The following HCN2 variants were observed in gnomAD, a reference collection of about 807,000 sequenced individuals.
HCN2 encodes the protein potassium/sodium hyperpolarization-activated cyclic nucleotide-gated channel 2.
In HCN2, 20 loss-of-function variants were observed where a neutral mutation model predicts 52.3. The observed-to-expected ratio is 0.38, with a 90% confidence interval of 0.27 to 0.56. The LOEUF (loss-of-function observed/expected upper bound fraction) is 0.56, where lower values mean the gene tolerates loss of function less well. HCN2 is among the 20% of genes least tolerant of loss of function. The probability of loss-of-function intolerance (pLI) is 0.71; values close to 1 mark genes in which losing one functional copy is unlikely to be tolerated. For synonymous variants in HCN2, 694 were observed against 537.0 expected (o/e 1.29, Z -4.04); for missense variants, 981 against 1,207.7 (o/e 0.81, Z 2.78).
rs377176350 is a variant in HCN2, at chr19:615,790, C to T, written c.1991-5C>T. The stretch of plus-strand genomic sequence containing the variant: ...GTGCACACGCTAACGCCCCCTCTCC[C>T]GCAGGCAAGAAGAATTCCATCCTCC... On this transcript the variant is annotated splice_polypyrimidine_tract_variant and splice_region_variant and intron_variant, in intron 7 of 7. Transcript: ENST00000251287. 5.0e-6 allele frequency: 8 copies of T among 1,611,070 alleles called. No homozygotes were observed. Among genetic ancestry groups the T allele is most frequent in the East Asian group, 4.5e-5 (2 of 44,804 alleles).
chr19:615,762 C>T (rs758632829), intron 7 of HCN2, 33 bp from the exon 8 acceptor site: 2 of 1,605,622 alleles, frequency 1.2e-6, no homozygotes, highest in South Asian at 2.2e-5. Context: ...GCAGGCGCTC[C>T]CTGTGCACAC....
At chr19:608,660 T>C (rs1290011453) in intron 4 of HCN2, among the ~76,000 whole-genome samples, 3 of 145,688 alleles carry the variant, frequency 2.1e-5, no homozygotes, top group African/African-American at 4.9e-5. Flanking sequence ...GGGTCAGTCT[T>C]TGGACATCGG....
intron 1 of HCN2, among the ~76,000 whole-genome samples, chr19:599,516 A>G (rs1383544667): frequency 6.6e-6 from 1 of 152,042 alleles, no homozygotes; most frequent in Non-Finnish European, 1.5e-5. Flanking sequence ...GCGGTGGCTC[A>G]CGCCTGTAAT....
chr19:610,946 T>G (rs576560214), intron 5 of HCN2, among the ~76,000 whole-genome samples: 1 of 152,312 alleles, frequency 6.6e-6, no homozygotes, highest in South Asian at 2.1e-4. Context: ...GGATCCTTCC[T>G]GCCTCTTCCG....
In HCN2 at chr19:603,797, G is replaced by A. The variant is rs773962337; in HGVS notation, c.886G>A (p.Val296Met). 1.2e-6 allele frequency: 2 copies of A among 1,612,758 alleles called. No homozygotes were observed. Among genetic ancestry groups the A allele is most frequent in the Admixed American group, 1.7e-5 (1 of 60,008 alleles). The change falls in exon 2 of 8, where the codon GTG (valine) becomes ATG (methionine). Residue 296 changes from valine (V) to methionine (M), a missense_variant. Physicochemically the swap from Val to Met is conservative, Grantham distance 21. Coordinates refer to ENST00000251287, the MANE Select transcript of HCN2 (RefSeq NM_001194.4). Reference sequence around the variant, plus strand: ...GCGCACGTGGTTCGTGGTGGACTTCGTGTCCTCCATCCCCGTGGACTACAT... The same window carrying A: ...GCGCACGTGGTTCGTGGTGGACTTCATGTCCTCCATCCCCGTGGACTACAT... ...YLRTWFVVDFVSSIPVDYIFL... is the reference protein window; with the variant it reads ...YLRTWFVVDFMSSIPVDYIFL...
intron 4 of HCN2, 95 bp downstream of exon 4, chr19:608,277 A>T: frequency 8.7e-7 from 1 of 1,150,244 alleles, no homozygotes; most frequent in Non-Finnish European, 1.3e-6. Context: ...CTGGGGTCTG[A>T]TGGAGGGAGG....
At chr19:602,760 T>C (rs1210733499) in intron 1 of HCN2, among the ~76,000 whole-genome samples, 1 of 152,238 alleles carries the variant, frequency 6.6e-6, no homozygotes, top group African/African-American at 2.4e-5. Context: ...TTAATCTATT[T>C]TGAGCCACCT....
chr19:616,370 GCCGCCGCGCCCAGCCCGGA>G lies in HCN2; in HGVS notation c.2571_2589del (p.Ala858GlyfsTer63). Reference sequence around the variant, plus strand: ...CTTGGGGCCCACGCCCGCTGCCCGGGCCGCCGCGCCCAGCCCGGACCGCAGGGACTCGGCCTCACCCGGC... The same window carrying G: ...CTTGGGGCCCACGCCCGCTGCCCGGGCCGCAGGGACTCGGCCTCACCCGGC... On this transcript the variant is annotated frameshift_variant, in exon 8 of 8. Transcript: ENST00000251287. LOFTEE classifies it low-confidence loss of function (END_TRUNC). The G allele has an allele frequency of 8.2e-7, 1 of 1,226,328 alleles. No individual in the cohort carries two copies. Among genetic ancestry groups the G allele is most frequent in the Non-Finnish European group, 1.0e-6 (1 of 973,834 alleles). 76.0% of individuals were successfully genotyped at this position (1,226,328 alleles called of 1,614,324 possible). A position where few individuals can be genotyped will look rare whatever the true frequency, so the allele number is the denominator to read the frequency against.
At chr19:600,889 T>TA (rs1340473833) in intron 1 of HCN2, among the ~76,000 whole-genome samples, 1 of 152,196 alleles carries the variant, frequency 6.6e-6, no homozygotes, top group Non-Finnish European at 1.5e-5. Context: ...CCATAGTCCA[T>TA]ACCTTTCTCA....
Position 614,792 on chromosome 19 carries a change from G to C in HCN2, c.1990+776G>C, listed in dbSNP as rs375492909. ...CAAGGCGGGCCGTGTCCAGGAGGGA[G>C]ACGGTGACCTGGCCTCTCAGGGGGG... is the stretch of plus-strand genomic sequence containing the variant. On this transcript the variant is annotated intron_variant, in intron 7 of 7. Transcript: ENST00000251287. Among the ~76,000 whole-genome samples, 6 of 152,276 alleles carry C rather than the reference G, an allele frequency of 3.9e-5. No individual in the cohort carries two copies. The East Asian group carries it at 7.7e-4, about 20-fold the overall frequency.
chr19:615,166 G>T (rs1209887339), intron 7 of HCN2, among the ~76,000 whole-genome samples: 6 of 152,236 alleles, frequency 3.9e-5, no homozygotes, highest in Admixed American at 1.3e-4. Context: ...TGGTACACAT[G>T]CATACTTGGT....
Position 590,772 on chromosome 19 carries a change from C to A in HCN2, c.632+195C>A, listed in dbSNP as rs1982846834. ...GCGCGAGGCTCCGCCTCTGGGGGGG[C>A]TCCCCGGGTGACCGCGGAGCGCCCC... On this transcript the variant is annotated intron_variant, in intron 1 of 7. Transcript: ENST00000251287. This position sits in a 1 kb window ranked among gnomAD's most constrained non-coding sequence, Gnocchi z 7.2. The A allele has an allele frequency of 3.0e-6, 1 of 328,218 alleles. No individual in the cohort carries two copies. Among genetic ancestry groups the A allele is most frequent in the Admixed American group, 5.0e-5 (1 of 19,872 alleles). The allele number at this position is 328,218 out of a possible 1,614,324, so 20.3% of individuals were successfully genotyped here.
intron 7 of HCN2, 53 bp downstream of exon 7, chr19:614,069 T>TGACCGG: frequency 7.5e-7 from 1 of 1,326,382 alleles, no homozygotes. Context: ...GGGAGGGGCG[T>TGACCGG]GGCCAAGGCA....
chr19:594,897 C>G (rs938544631), intron 1 of HCN2, among the ~76,000 whole-genome samples: 1 of 152,118 alleles, frequency 6.6e-6, no homozygotes, highest in Admixed American at 6.5e-5. Context: ...CCTATGTTCC[C>G]TGCTCGAAAA....
At chr19:604,608 T>A (rs1391244310) in intron 2 of HCN2, among the ~76,000 whole-genome samples, 1 of 96,048 alleles carries the variant, frequency 1.0e-5, no homozygotes, top group Non-Finnish European at 2.1e-5. Context: ...CGAGTGGAGA[T>A]ATGAGGGTTG....
rs141582458 is a variant in HCN2, at chr19:598,624, C to T, written c.633-4920C>T. On this transcript the variant is annotated intron_variant, in intron 1 of 7. Coordinates refer to ENST00000251287, the MANE Select transcript of HCN2 (RefSeq NM_001194.4). Reference sequence around the variant, plus strand: ...CCCACCCTTCCCTTCTTTTTTGAGACGGAGTCTCGCTCTGTCGCCCAGGCT... The same window carrying T: ...CCCACCCTTCCCTTCTTTTTTGAGATGGAGTCTCGCTCTGTCGCCCAGGCT... Among the ~76,000 whole-genome samples, 22 of 152,144 alleles carry T rather than the reference C, an allele frequency of 1.4e-4. No homozygotes were observed. In the Middle Eastern group the frequency reaches 0.01, roughly 71 times the overall value.
intron 6 of HCN2, 131 bp downstream of exon 6, chr19:613,619 AT>A (rs2144533041): frequency 4.0e-5 from 2 of 50,478 alleles, no homozygotes; most frequent in African/African-American, 1.7e-4. Context: ...GGGGATGGGG[AT>A]GGGGATGGGG....
rs1164797425 is a variant in HCN2, at chr19:610,336, G to A, written c.1515G>A (p.Glu505=). 2 of 1,613,714 alleles carry A rather than the reference G, an allele frequency of 1.2e-6. No individual in the cohort carries two copies. Among genetic ancestry groups the A allele is most frequent in the Non-Finnish European group, 1.7e-6 (2 of 1,179,808 alleles). The change falls in exon 5 of 8, where the codon GAG becomes GAA. Residue 505 remains glutamate, a synonymous_variant. Transcript: ENST00000251287. ...DFRQKIHDYY[E]HRYQGKMFDE... ...GCCAGAAGATCCACGACTACTATGA[G>A]CACCGTTACCAGGGCAAGATGTTTG... is the stretch of plus-strand genomic sequence containing the variant.
chr19:608,470 G>T (rs1404007300), intron 4 of HCN2, among the ~76,000 whole-genome samples: 3 of 152,166 alleles, frequency 2.0e-5, no homozygotes, highest in African/African-American at 7.2e-5. Context: ...CCGCGTGATG[G>T]GGAGCAGGGG....
Sources: gnomAD v4.1 joint callset for allele counts (sites outside exome capture counted in the v4.1 genomes callset) on GRCh38, gnomAD v4.1.1 for gene constraint, Gnocchi (gnomAD v3.1) non-coding constraint, MANE v1.5 for transcripts, NCBI Gene and HGNC (gene_info 2026-07-23, HGNC 2026-07-21) for gene names.